RNFT2: variants seen among roughly 807,000 people sequenced by gnomAD.
RNFT2 encodes the protein ring finger protein, transmembrane 2, also known as E3 ubiquitin-protein ligase RNFT2.
RNFT2 carries 36 observed loss-of-function variants against 53.0 expected under a neutral mutation model. The ratio of observed to expected loss-of-function variants is 0.68; its 90% CI spans 0.52 to 0.90. The LOEUF (loss-of-function observed/expected upper bound fraction) is 0.90, where lower values mean the gene tolerates loss of function less well. RNFT2 is among the 40% of genes least tolerant of loss of function. RNFT2 has a pLI of 0.00. For synonymous variants in RNFT2, 260 were observed against 253.2 expected (o/e 1.03, Z -0.26); for missense variants, 514 against 585.6 (o/e 0.88, Z 1.26).
At chr12:116,755,921 T>C in intron 5 of RNFT2, 1 of 1,130,492 alleles carries the variant, frequency 8.8e-7, no homozygotes, top group South Asian at 1.2e-5. Flanking sequence ...AAGGAAAAGA[T>C]ATGTCCTTAT....
chr12:116,805,071 T>A (rs1029990966), intron 7 of RNFT2, among the ~76,000 whole-genome samples: 2 of 152,114 alleles, frequency 1.3e-5, no homozygotes, highest in Admixed American at 1.3e-4. Flanking sequence ...AAATCCCTTA[T>A]CTTCAAGGTG....
chr12:116,842,434 C>G (rs558611445), intron 10 of RNFT2, among the ~76,000 whole-genome samples: 2 of 152,130 alleles, frequency 1.3e-5, no homozygotes, highest in African/African-American at 4.8e-5. Context: ...AGCTGTGTAC[C>G]TTGGGCGCAC....
intron 7 of RNFT2, among the ~76,000 whole-genome samples, chr12:116,828,218 T>C (rs1876445974): frequency 2.0e-5 from 3 of 152,162 alleles, no homozygotes; most frequent in African/African-American, 7.2e-5. Context: ...TTGGCTCTTA[T>C]TCATCCATTA....
Position 116,849,071 on chromosome 12 carries a change from G to A in RNFT2, c.1201-243G>A, listed in dbSNP as rs199574468. Among the ~76,000 whole-genome samples the A allele has an allele frequency of 6.6e-5, 10 of 151,964 alleles. No homozygotes were observed. The East Asian group carries it at 1.7e-3, about 26-fold the overall frequency. ...CTGCCTCAGGTGATCCGCCCATCTC[G>A]GCCTCCCAAAGTGCTGGGATTACAG... On this transcript the variant is annotated intron_variant, in intron 10 of 10. Coordinates refer to ENST00000257575, the MANE Select transcript of RNFT2 (RefSeq NM_001382266.1).
intron 7 of RNFT2, among the ~76,000 whole-genome samples, chr12:116,822,592 A>G (rs919327654): frequency 6.6e-6 from 1 of 152,188 alleles, no homozygotes; most frequent in African/African-American, 2.4e-5. Context: ...CACCATCATC[A>G]TCATCACCAC....
At chr12:116,770,759 A>G (rs577249469) in intron 6 of RNFT2, among the ~76,000 whole-genome samples, 70 of 151,954 alleles carry the variant, frequency 4.6e-4, no homozygotes, top group African/African-American at 1.6e-3. Context: ...AGGTTTCTCC[A>G]TGTTGCCCAG....
At chr12:116,744,579 C>T (rs1345097898) in intron 3 of RNFT2, among the ~76,000 whole-genome samples, 2 of 152,180 alleles carry the variant, frequency 1.3e-5, no homozygotes, top group Admixed American at 1.3e-4. Flanking sequence ...TGTCCCCCAG[C>T]ACCTGTGCTT....
intron 7 of RNFT2, among the ~76,000 whole-genome samples, chr12:116,822,022 A>G (rs1876065398): frequency 6.6e-6 from 1 of 151,502 alleles, no homozygotes; most frequent in African/African-American, 2.4e-5. Flanking sequence ...TTTGGTAGAG[A>G]CGGGATTTCA....
intron 5 of RNFT2, among the ~76,000 whole-genome samples, chr12:116,756,128 T>C (rs1257283995): frequency 2.6e-5 from 4 of 152,122 alleles, no homozygotes; most frequent in Admixed American, 2.6e-4. Context: ...TGATGAGGAT[T>C]GCATTGAATT....
chr12:116,761,299 C>A (rs1872684077), intron 5 of RNFT2, among the ~76,000 whole-genome samples: 1 of 152,194 alleles, frequency 6.6e-6, no homozygotes, highest in African/African-American at 2.4e-5. Flanking sequence ...CAGACACACA[C>A]CACCACGCCT....
intron 6 of RNFT2, among the ~76,000 whole-genome samples, chr12:116,770,097 G>A (rs1182131273): frequency 6.6e-6 from 1 of 152,140 alleles, no homozygotes; most frequent in Non-Finnish European, 1.5e-5. Flanking sequence ...CTACAGCAGT[G>A]TATAGTCATG....
At chr12:116,739,413 A>G (rs570683666) in intron 1 of RNFT2, among the ~76,000 whole-genome samples, 16 of 152,368 alleles carry the variant, frequency 1.1e-4, no homozygotes, top group African/African-American at 3.8e-4. Context: ...ATCCAAGTAG[A>G]CAGGATCCCT....
chr12:116,833,847 C>T lies in RNFT2; in HGVS notation c.938C>T (p.Pro313Leu), dbSNP rs538024963. 1 of 1,613,314 alleles carries T rather than the reference C, an allele frequency of 6.2e-7. No individual in the cohort carries two copies. Among genetic ancestry groups the T allele is most frequent in the South Asian group, 1.1e-5 (1 of 90,942 alleles). The change falls in exon 8 of 11, where the codon CCC (proline) becomes CTC (leucine). Residue 313 changes from proline to leucine, a missense_variant. Physicochemically the swap from Pro to Leu is moderately conservative, Grantham distance 98. Coordinates refer to ENST00000257575, the MANE Select transcript of RNFT2 (RefSeq NM_001382266.1). ...AGCCAGCTGTTCCGATCCCTTGTCC[C>T]CATCCAGCTGTGGTACAAATACATC... Reference protein sequence around the residue: ...ELSQLFRSLVPIQLWYKYIMG... With the variant: ...ELSQLFRSLVLIQLWYKYIMG...
At chr12:116,828,213 T>C (rs1233102422) in intron 7 of RNFT2, among the ~76,000 whole-genome samples, 1 of 152,150 alleles carries the variant, frequency 6.6e-6, no homozygotes, top group East Asian at 1.9e-4. Flanking sequence ...CCAGCTTGGC[T>C]CTTATTCATC....
intron 3 of RNFT2, among the ~76,000 whole-genome samples, chr12:116,743,245 C>CAAAAAAAAAAAAAAAAA: frequency 3.7e-5 from 1 of 27,190 alleles, no homozygotes; most frequent in Non-Finnish European, 6.6e-5. Flanking sequence ...AAAAAAAAAA[C>CAAAAAAAAAAAAAAAAA]CGGTTAAAAA....
intron 6 of RNFT2, among the ~76,000 whole-genome samples, chr12:116,772,194 C>T (rs1372395623): frequency 6.6e-6 from 1 of 152,208 alleles, no homozygotes; most frequent in African/African-American, 2.4e-5. Flanking sequence ...TGGGCTCAAG[C>T]GATCCTCCCA....
intron 5 of RNFT2, among the ~76,000 whole-genome samples, chr12:116,756,187 C>T (rs1004959578): frequency 1.3e-5 from 2 of 152,088 alleles, no homozygotes; most frequent in African/African-American, 2.4e-5. Flanking sequence ...TTGATTCTAC[C>T]CATTCATGAG....
chr12:116,805,754 G>A lies in RNFT2; in HGVS notation c.882+26406G>A, dbSNP rs962986928. On this transcript the variant is annotated intron_variant, in intron 7 of 10. Coordinates refer to ENST00000257575, the MANE Select transcript of RNFT2 (RefSeq NM_001382266.1). ...TTCCCAAAGTGCTGGGATTACAGGC[G>A]TGAGCCACGGTGCCCAGCCCTGATG... is the stretch of plus-strand genomic sequence containing the variant. Among the ~76,000 whole-genome samples, 10 of 152,348 alleles carry A rather than the reference G, an allele frequency of 6.6e-5. 1 individual carries two copies. Among genetic ancestry groups the A allele is most frequent in the Admixed American group, 5.2e-4 (8 of 15,306 alleles).
chr12:116,791,045 T>C (rs1210445658), intron 7 of RNFT2, among the ~76,000 whole-genome samples: 4 of 152,362 alleles, frequency 2.6e-5, no homozygotes, highest in Non-Finnish European at 5.9e-5. Context: ...TTCACAGTGT[T>C]GTACAACCAC....
Sources: gnomAD v4.1 joint callset for allele counts (sites outside exome capture counted in the v4.1 genomes callset) on GRCh38, gnomAD v4.1.1 for gene constraint, MANE v1.5 for transcripts, NCBI Gene and HGNC (gene_info 2026-07-23, HGNC 2026-07-21) for gene names.